Variants in PIR observed in about 807,000 individuals in gnomAD.
PIR encodes pirin (iron-binding nuclear protein).
Under a neutral mutation model 24.2 loss-of-function variants are expected in PIR, and 22 were observed. That is an observed-to-expected ratio of 0.91 (90% CI 0.65 to 1.30). The LOEUF is 1.30. Among genes scored for constraint, PIR ranks in the 50% most tolerant of loss-of-function variants. PIR has a pLI of 0.00. For missense variants in PIR, 220 were observed against 220.3 expected (o/e 1.00, Z 0.01); for synonymous variants, 80 against 79.6 (o/e 1.00, Z -0.03).
At chrX:15,403,430 T>A in intron 7 of PIR, among the ~76,000 whole-genome samples, 1 of 112,421 alleles carries the variant, frequency 8.9e-6, no homozygotes, top group Middle Eastern at 4.6e-3. Context: ...GCTGATAAAC[T>A]GTACCAAGCT....
intron 3 of PIR, among the ~76,000 whole-genome samples, chrX:15,470,053 T>A (rs760164068): frequency 1.8e-5 from 2 of 111,452 alleles, no homozygotes; most frequent in Non-Finnish European, 3.8e-5. Context: ...TGAGAAAATA[T>A]CAGATATATA....
At chrX:15,397,197 A>T (rs2147003714) in intron 8 of PIR, among the ~76,000 whole-genome samples, 1 of 112,623 alleles carries the variant, frequency 8.9e-6, no homozygotes, top group Non-Finnish European at 1.9e-5. Context: ...TGTTGCTTCC[A>T]GATTCAAATT....
intron 5 of PIR, among the ~76,000 whole-genome samples, chrX:15,446,053 T>A (rs1345071838): frequency 9.1e-6 from 1 of 109,565 alleles, no homozygotes; most frequent in Non-Finnish European, 1.9e-5. Flanking sequence ...ACGGTCTCTA[T>A]CTCTTGACCT....
chrX:15,445,283 T>G (rs971497607), intron 5 of PIR, among the ~76,000 whole-genome samples: 3 of 111,357 alleles, frequency 2.7e-5, no homozygotes, highest in African/African-American at 9.8e-5. Flanking sequence ...GTAGAAAAAT[T>G]ATGACCATCA....
intron 5 of PIR, among the ~76,000 whole-genome samples, chrX:15,448,660 G>T (rs771880707): frequency 9.8e-5 from 11 of 112,001 alleles, no homozygotes; most frequent in Non-Finnish European, 1.9e-4. Context: ...CTCTTGCCCT[G>T]CCATAACTCC....
intron 5 of PIR, among the ~76,000 whole-genome samples, chrX:15,447,463 C>T (rs931967428): frequency 3.6e-5 from 4 of 110,956 alleles, no homozygotes; most frequent in African/African-American, 1.3e-4. Flanking sequence ...TACAGGCACC[C>T]ACCACCACTC....
chrX:15,385,861 C>T (rs989210141), intron 9 of PIR, among the ~76,000 whole-genome samples: 8 of 112,086 alleles, frequency 7.1e-5, no homozygotes, highest in Admixed American at 3.8e-4. Flanking sequence ...AGCCCATCGA[C>T]CATAGTTTGC....
At chrX:15,466,797 ACCT>A (rs1327329131) in intron 3 of PIR, among the ~76,000 whole-genome samples, 1 of 110,691 alleles carries the variant, frequency 9.0e-6, no homozygotes, top group Admixed American at 9.6e-5. Context: ...CTCATAGTTC[ACCT>A]CCTCGCTTCA....
chrX:15,421,748 C>A (rs1178292146), intron 6 of PIR, among the ~76,000 whole-genome samples: 1 of 110,609 alleles, frequency 9.0e-6, no homozygotes, highest in Non-Finnish European at 1.9e-5. Context: ...TACTGAAACT[C>A]TTCAAAGAGA....
At chrX:15,397,899 A>G (rs975487984) in intron 7 of PIR, among the ~76,000 whole-genome samples, 1 of 112,432 alleles carries the variant, frequency 8.9e-6, no homozygotes, top group Non-Finnish European at 1.9e-5. Context: ...CACAAGTATT[A>G]ATTGAGTACC....
In PIR at chrX:15,467,776, A is replaced by G. The variant is rs146560886; in HGVS notation, c.190-8036T>C. Among the ~76,000 whole-genome samples the G allele has an allele frequency of 3.6e-3, 399 of 111,871 alleles. 1 individual carries two copies. Among genetic ancestry groups the G allele is most frequent in the African/African-American group, 0.012 (374 of 30,757 alleles). ...TCTTTCACTCTGATTAAAATTTCTG[A>G]CATGGACATCAAGGTTCTATGATAA... is the stretch of plus-strand genomic sequence containing the variant. On this transcript the variant is annotated intron_variant, in intron 3 of 9. Transcript: ENST00000380420.
chrX:15,437,594 C>T (rs193078875), intron 5 of PIR, among the ~76,000 whole-genome samples: 328 of 110,964 alleles, frequency 3.0e-3, no homozygotes, highest in South Asian at 0.014. Context: ...TTTTCGCACA[C>T]CAAATTGCTT....
chrX:15,491,628 A>G (rs1923167821), intron 1 of PIR, among the ~76,000 whole-genome samples: 1 of 112,203 alleles, frequency 8.9e-6, no homozygotes, highest in South Asian at 3.7e-4. Context: ...TTACACAGTC[A>G]ACAATATATG....
intron 5 of PIR, among the ~76,000 whole-genome samples, chrX:15,447,141 C>G (rs1343740414): frequency 8.9e-6 from 1 of 111,864 alleles, no homozygotes; most frequent in Admixed American, 9.4e-5. Flanking sequence ...TTATCTGAAC[C>G]CGAATTTGCT....
chrX:15,443,213 GAAC>G (rs1569203652), intron 5 of PIR, among the ~76,000 whole-genome samples: 1 of 111,638 alleles, frequency 9.0e-6, no homozygotes, highest in Non-Finnish European at 1.9e-5. Flanking sequence ...AGAAATGGAA[GAAC>G]AAAACCTGAA....
chrX:15,416,255 A>G, intron 6 of PIR, among the ~76,000 whole-genome samples: 1 of 112,072 alleles, frequency 8.9e-6, no homozygotes, highest in East Asian at 2.8e-4. Flanking sequence ...GCTGGGAAGT[A>G]GAGAGCTCTG....
chrX:15,427,884 A>G (rs1159989576), intron 5 of PIR, among the ~76,000 whole-genome samples: 1 of 110,803 alleles, frequency 9.0e-6, no homozygotes, highest in East Asian at 2.8e-4. Context: ...TGGGGTATTC[A>G]TCAACATCTT....
chrX:15,388,975 G>A (rs1463385564), intron 9 of PIR, among the ~76,000 whole-genome samples: 1 of 111,999 alleles, frequency 8.9e-6, no homozygotes, highest in Non-Finnish European at 1.9e-5. Context: ...GTGTCCCTGT[G>A]TTCCAAGCCA....
intron 8 of PIR, among the ~76,000 whole-genome samples, chrX:15,396,976 G>A (rs1319602331): frequency 2.7e-5 from 3 of 111,775 alleles, no homozygotes; most frequent in East Asian, 2.8e-4. Flanking sequence ...TCCTGACATC[G>A]TGATCCGCCC....
Sources: allele counts gnomAD v4.1 joint callset (sites outside exome capture counted in the v4.1 genomes callset), GRCh38; gene constraint gnomAD v4.1.1; transcripts MANE v1.5; gene names NCBI Gene and HGNC (gene_info 2026-07-23, HGNC 2026-07-21).